PLXNA4: variants seen among roughly 807,000 people sequenced by gnomAD.
PLXNA4 encodes plexin-A4.
PLXNA4 carries 44 observed loss-of-function variants against 191.8 expected under a neutral mutation model. The observed-to-expected ratio is 0.23, with a 90% CI of 0.18 to 0.29. PLXNA4 has a LOEUF of 0.29. Ranked by LOEUF, PLXNA4 falls within the 10% of genes least tolerant of loss-of-function variation. The pLI is 1.00. For missense variants in PLXNA4, 1,800 were observed against 2,488.8 expected, an observed-to-expected ratio of 0.72 and a Z score of 5.89; for synonymous variants, 1,082 against 1,009.5, an observed-to-expected ratio of 1.07 and a Z score of -1.36.
chr7:132,612,663 CA>C (rs71529768), intron 2 of PLXNA4, among the ~76,000 whole-genome samples: 2,322 of 68,388 alleles, frequency 0.034, 25 homozygotes, highest in South Asian at 0.095. Flanking sequence ...GTCTCCATCT[CA>C]AAAAAAAAAA....
intron 4 of PLXNA4, among the ~76,000 whole-genome samples, chr7:132,244,617 C>T (rs183435536): frequency 6.6e-6 from 1 of 152,186 alleles, no homozygotes. Flanking sequence ...AGCTAGGTGC[C>T]ACCTCCTTCA....
chr7:132,621,236 G>T (rs12532016), intron 2 of PLXNA4, among the ~76,000 whole-genome samples: 31,709 of 134,914 alleles, frequency 0.24, 4,079 homozygotes, highest in African/African-American at 0.34. Flanking sequence ...TAATCTCTTG[G>T]TTTTTTTTTG....
intron 3 of PLXNA4, among the ~76,000 whole-genome samples, chr7:132,332,437 G>A (rs1357194879): frequency 2.0e-5 from 3 of 152,196 alleles, no homozygotes; most frequent in African/African-American, 7.2e-5. Flanking sequence ...CCGGCTGGCT[G>A]AGATGGTGCG....
rs570894054 is a variant in PLXNA4, at chr7:132,139,665, C to G, written c.5438+934G>C. On this transcript the variant is annotated intron_variant, in intron 30 of 31. Coordinates refer to ENST00000321063, the MANE Select transcript of PLXNA4 (RefSeq NM_020911.2). ...GCATCTTTCTTAAACCATACAGAGG[C>G]ACCATATGGGTTGGCAGAGGCCCTG... Among the ~76,000 whole-genome samples, 147 of 152,328 alleles carry G rather than the reference C, an allele frequency of 9.7e-4. 1 individual carries two copies. Among genetic ancestry groups the G allele is most frequent in the Non-Finnish European group, 1.5e-3 (99 of 68,030 alleles).
intron 16 of PLXNA4, among the ~76,000 whole-genome samples, chr7:132,182,894 A>G (rs558506991): frequency 1.3e-5 from 2 of 152,228 alleles, no homozygotes; most frequent in South Asian, 4.1e-4. Context: ...TAACCTTTCA[A>G]AAGAAACCTG....
intron 2 of PLXNA4, among the ~76,000 whole-genome samples, chr7:132,615,797 G>A (rs993301422): frequency 1.3e-5 from 2 of 151,710 alleles, no homozygotes; most frequent in Non-Finnish European, 1.5e-5. Flanking sequence ...ACACACTCAT[G>A]CACATGCACA....
At chr7:132,289,028 T>C (rs1029773117) in intron 4 of PLXNA4, among the ~76,000 whole-genome samples, 13 of 152,166 alleles carry the variant, frequency 8.5e-5, no homozygotes, top group South Asian at 2.1e-4. Context: ...CCTCAAGCGA[T>C]GCTGCCTTCT....
intron 20 of PLXNA4, among the ~76,000 whole-genome samples, chr7:132,178,604 A>G (rs1230008007): frequency 6.6e-6 from 1 of 152,156 alleles, no homozygotes; most frequent in East Asian, 1.9e-4. Flanking sequence ...AGGCATAGGG[A>G]CTATAGAGTG....
chr7:132,498,730 T>G (rs1798130156), intron 2 of PLXNA4, among the ~76,000 whole-genome samples: 2 of 152,142 alleles, frequency 1.3e-5, no homozygotes, highest in Non-Finnish European at 2.9e-5. Context: ...ATGGCCCCAG[T>G]TCTCAAGAAC....
At chr7:132,151,589 A>AGG (rs1439019261) in intron 25 of PLXNA4, among the ~76,000 whole-genome samples, 4 of 33,536 alleles carry the variant, frequency 1.2e-4, no homozygotes, top group African/African-American at 1.9e-4. Flanking sequence ...GGAGGAGGAG[A>AGG]AAGGAGGAGA....
At chr7:132,233,253 A>T (rs1236844851) in intron 5 of PLXNA4, among the ~76,000 whole-genome samples, 1 of 152,210 alleles carries the variant, frequency 6.6e-6, no homozygotes, top group Non-Finnish European at 1.5e-5. Flanking sequence ...TTCCTAATTC[A>T]TTATCCTTGT....
chr7:132,417,899 G>C (rs1361744098), intron 3 of PLXNA4, among the ~76,000 whole-genome samples: 1 of 152,058 alleles, frequency 6.6e-6, no homozygotes, highest in Non-Finnish European at 1.5e-5. Context: ...TAGTTTTGTG[G>C]GGAAATTGCT....
chr7:132,165,908 T>G (rs1796108339), intron 22 of PLXNA4, among the ~76,000 whole-genome samples: 1 of 152,132 alleles, frequency 6.6e-6, no homozygotes, highest in South Asian at 2.1e-4. Flanking sequence ...GTTAAAACTG[T>G]CCTATTGCGG....
intron 13 of PLXNA4, among the ~76,000 whole-genome samples, chr7:132,196,071 C>T (rs1158638102): frequency 6.6e-6 from 1 of 152,202 alleles, no homozygotes; most frequent in African/African-American, 2.4e-5. Flanking sequence ...CTGAAACCCC[C>T]ACTAGTTGCA....
At chr7:132,164,456 T>A (rs1796040857) in intron 23 of PLXNA4, among the ~76,000 whole-genome samples, 168 bp from the exon 24 acceptor site, 1 of 152,204 alleles carries the variant, frequency 6.6e-6, no homozygotes, top group Admixed American at 6.5e-5. Flanking sequence ...CTCCTCATCC[T>A]TCAGGCTGGC....
chr7:132,631,229 CT>C (rs1470565925), intron 2 of PLXNA4, among the ~76,000 whole-genome samples: 1 of 152,164 alleles, frequency 6.6e-6, no homozygotes, highest in Non-Finnish European at 1.5e-5. Flanking sequence ...TACTTTCTTT[CT>C]TCAATCTTCA....
At chr7:132,345,247 G>A (rs1259872648) in intron 3 of PLXNA4, among the ~76,000 whole-genome samples, 1 of 152,222 alleles carries the variant, frequency 6.6e-6, no homozygotes, top group African/African-American at 2.4e-5. Context: ...GCACAAAGTT[G>A]GTTGGCAAAC....
chr7:132,647,145 G>GCAGT (rs1404683948), intron 1 of PLXNA4, among the ~76,000 whole-genome samples: 1 of 124,706 alleles, frequency 8.0e-6, no homozygotes, highest in Non-Finnish European at 1.7e-5. Context: ...TTACACACAT[G>GCAGT]CAGTCACACA....
intron 3 of PLXNA4, among the ~76,000 whole-genome samples, chr7:132,437,716 A>G (rs996045893): frequency 2.0e-5 from 3 of 152,100 alleles, no homozygotes; most frequent in Non-Finnish European, 2.9e-5. Flanking sequence ...GGTTGGCCCC[A>G]GACCACTAAA....
Sources: gnomAD v4.1 joint callset for allele counts (sites outside exome capture counted in the v4.1 genomes callset) on GRCh38, gnomAD v4.1.1 for gene constraint, MANE v1.5 for transcripts, NCBI Gene and HGNC (gene_info 2026-07-23, HGNC 2026-07-21) for gene names.